CAMTA1: variants seen among roughly 807,000 people sequenced by gnomAD.
The protein encoded by CAMTA1 is calmodulin-binding transcription activator 1.
In CAMTA1, 27 loss-of-function variants were observed where a neutral mutation model predicts 170.9. The observed-to-expected ratio is 0.16, with a 90% CI of 0.12 to 0.22. The LOEUF (loss-of-function observed/expected upper bound fraction) is 0.22. Ranked by LOEUF, CAMTA1 falls within the 10% of genes least tolerant of loss-of-function variation. CAMTA1 has a pLI of 1.00. For synonymous variants in CAMTA1, 833 were observed against 891.5 expected (o/e 0.93, Z 1.17); for missense variants, 1,619 against 2,217.2 (o/e 0.73, Z 5.42).
chr1:7,529,010 C>A (rs2094461724), intron 6 of CAMTA1, among the ~76,000 whole-genome samples: 1 of 152,020 alleles, frequency 6.6e-6, no homozygotes, highest in African/African-American at 2.4e-5. Context: ...ACTAGTCATG[C>A]CAGTAACTAG....
intron 3 of CAMTA1, among the ~76,000 whole-genome samples, chr1:6,951,141 A>T (rs1454388429): frequency 6.6e-6 from 1 of 152,222 alleles, no homozygotes; most frequent in East Asian, 1.9e-4. Context: ...GAGGAGGGAA[A>T]TGTGTTTGTT....
intron 6 of CAMTA1, among the ~76,000 whole-genome samples, chr1:7,574,550 G>A (rs185101283): frequency 5.4e-4 from 83 of 152,306 alleles, no homozygotes; most frequent in Admixed American, 2.7e-3. Context: ...CACTGGGCAC[G>A]GGCCACGATC....
At chr1:7,131,793 C>T (rs1484383884) in intron 4 of CAMTA1, among the ~76,000 whole-genome samples, 3 of 152,094 alleles carry the variant, frequency 2.0e-5, no homozygotes, top group Non-Finnish European at 4.4e-5. Flanking sequence ...TGGTGGCTCA[C>T]GCTTGTAATC....
rs2095771896 is a variant in CAMTA1, at chr1:7,642,541, C to T, written c.664+1988C>T. Among the ~76,000 whole-genome samples, 1 of 152,198 alleles carries T rather than the reference C, an allele frequency of 6.6e-6. No individual in the cohort carries two copies. The highest frequency in any genetic ancestry group is 2.1e-4 in the South Asian group (1 of 4,834). On this transcript the variant is annotated intron_variant, in intron 7 of 22. Coordinates refer to ENST00000303635, the MANE Select transcript of CAMTA1 (RefSeq NM_015215.4). This position sits in a 1 kb window ranked among gnomAD's most constrained non-coding sequence, Gnocchi z 6.3. ...GGGGCACCTCACTATGCAGGGCTGGCACCGGACACTGGGTCCTGCCTAGAC... is the reference window on the plus strand; with the variant it reads ...GGGGCACCTCACTATGCAGGGCTGGTACCGGACACTGGGTCCTGCCTAGAC...
intron 3 of CAMTA1, among the ~76,000 whole-genome samples, chr1:7,033,021 A>T (rs1343840191): frequency 6.6e-6 from 1 of 152,068 alleles, no homozygotes; most frequent in African/African-American, 2.4e-5. Context: ...GATGATTATG[A>T]TGTGCCGTGG....
At chr1:7,629,191 G>A (rs372907080) in intron 6 of CAMTA1, among the ~76,000 whole-genome samples, 1 of 152,332 alleles carries the variant, frequency 6.6e-6, no homozygotes, top group African/African-American at 2.4e-5. Flanking sequence ...ACTGCAGGAC[G>A]CCAGCAGCCT....
At chr1:6,878,022 C>T (rs955158670) in intron 3 of CAMTA1, among the ~76,000 whole-genome samples, 2 of 152,222 alleles carry the variant, frequency 1.3e-5, no homozygotes, top group African/African-American at 4.8e-5. Context: ...AGCTGATAGA[C>T]TGCACGTATC....
chr1:6,914,607 G>T (rs1680403328), intron 3 of CAMTA1, among the ~76,000 whole-genome samples: 1 of 152,214 alleles, frequency 6.6e-6, no homozygotes, highest in African/African-American at 2.4e-5. Context: ...GCTGTGTGGG[G>T]TGCTGTTTAC....
At chr1:7,143,926 C>T (rs1414790018) in intron 4 of CAMTA1, among the ~76,000 whole-genome samples, 1 of 152,120 alleles carries the variant, frequency 6.6e-6, no homozygotes, top group Non-Finnish European at 1.5e-5. Context: ...CAAGTTCTTC[C>T]TGTGCGTGTT....
At chr1:7,147,103 C>T (rs1327536548) in intron 4 of CAMTA1, among the ~76,000 whole-genome samples, 1 of 151,998 alleles carries the variant, frequency 6.6e-6, no homozygotes, top group Non-Finnish European at 1.5e-5. Flanking sequence ...GTACAGCATG[C>T]ACACACACAA....
intron 4 of CAMTA1, among the ~76,000 whole-genome samples, chr1:7,180,673 T>C (rs915165942): frequency 6.6e-6 from 1 of 151,688 alleles, no homozygotes; most frequent in Non-Finnish European, 1.5e-5. Flanking sequence ...GCCACCACAG[T>C]TGGCTAATTT....
At chr1:7,754,405 A>G (rs1418872408) in intron 21 of CAMTA1, among the ~76,000 whole-genome samples, 1 of 152,184 alleles carries the variant, frequency 6.6e-6, no homozygotes, top group African/African-American at 2.4e-5. Flanking sequence ...CGTGGGAGCA[A>G]AATTGCATAA....
chr1:7,245,840 C>T (rs1412859493), intron 4 of CAMTA1, among the ~76,000 whole-genome samples: 5 of 152,120 alleles, frequency 3.3e-5, no homozygotes, highest in Admixed American at 6.5e-5. Context: ...TCCCAGGAAA[C>T]ACCAGTCAGG....
chr1:7,231,311 A>G (rs1296211282), intron 4 of CAMTA1, among the ~76,000 whole-genome samples: 1 of 144,148 alleles, frequency 6.9e-6, no homozygotes, highest in Non-Finnish European at 1.5e-5. Context: ...CCCAGCATTC[A>G]TCACATACTG....
rs1360472957 is a variant in CAMTA1, at chr1:7,592,387, G to A, written c.511-48013G>A. Among the ~76,000 whole-genome samples, 1 of 152,208 alleles carries A rather than the reference G, an allele frequency of 6.6e-6. No individual in the cohort carries two copies. Among genetic ancestry groups the A allele is most frequent in the Non-Finnish European group, 1.5e-5 (1 of 68,052 alleles). On this transcript the variant is annotated intron_variant, in intron 6 of 22. Transcript: ENST00000303635. This position sits in a 1 kb window ranked among gnomAD's most constrained non-coding sequence, Gnocchi z 4.6. ...CTGCGGCACATTCGGTAGGCTGGGG[G>A]TCTGTTGGATCCTGGCACCTTGCAG...
At chr1:7,185,018 G>C (rs1652960822) in intron 4 of CAMTA1, among the ~76,000 whole-genome samples, 1 of 152,156 alleles carries the variant, frequency 6.6e-6, no homozygotes, top group South Asian at 2.1e-4. Context: ...TTATATTCAA[G>C]ATTGAAGAAA....
chr1:7,327,213 G>A (rs1305529732), intron 5 of CAMTA1, among the ~76,000 whole-genome samples: 1 of 151,926 alleles, frequency 6.6e-6, no homozygotes, highest in Non-Finnish European at 1.5e-5. Flanking sequence ...TCAGGAGATC[G>A]AGACCACGGT....
chr1:6,889,536 C>T (rs753793271), intron 3 of CAMTA1, among the ~76,000 whole-genome samples: 1 of 152,186 alleles, frequency 6.6e-6, no homozygotes, highest in Non-Finnish European at 1.5e-5. Flanking sequence ...GGCCGCAGTG[C>T]GCACTCGTCA....
intron 3 of CAMTA1, among the ~76,000 whole-genome samples, chr1:7,021,969 A>T (rs1019069076): frequency 1.3e-5 from 2 of 152,132 alleles, no homozygotes; most frequent in South Asian, 4.1e-4. Context: ...CAGCCCTTGC[A>T]TTTGTCCCAG....
Sources: allele counts gnomAD v4.1 joint callset (sites outside exome capture counted in the v4.1 genomes callset), GRCh38; gene constraint gnomAD v4.1.1; non-coding constraint Gnocchi (gnomAD v3.1); transcripts MANE v1.5; gene names NCBI Gene and HGNC (gene_info 2026-07-23, HGNC 2026-07-21).